The following ARHGAP26 variants were observed in gnomAD, a reference collection of about 807,000 sequenced individuals.
ARHGAP26 encodes Rho GTPase activating protein 26, also known as rho GTPase-activating protein 26.
A neutral mutation model predicts 104.8 loss-of-function variants in ARHGAP26; 38 were observed. The ratio of observed to expected loss-of-function variants is 0.36; its 90% CI spans 0.28 to 0.48. The LOEUF (loss-of-function observed/expected upper bound fraction) is 0.48. Among genes scored for constraint, ARHGAP26 ranks in the 20% least tolerant of loss-of-function variants. The pLI is 0.99. For synonymous variants in ARHGAP26, 341 were observed against 340.0 expected (o/e 1.00, Z -0.03); for missense variants, 704 against 947.9 (o/e 0.74, Z 3.38).
At chr5:142,829,553 A>G (rs980632109) in intron 1 of ARHGAP26, among the ~76,000 whole-genome samples, 3 of 152,194 alleles carry the variant, frequency 2.0e-5, no homozygotes, top group Non-Finnish European at 4.4e-5. Context: ...TCACATCACC[A>G]TTGTGGAGAG....
intron 11 of ARHGAP26, among the ~76,000 whole-genome samples, chr5:142,975,913 C>G (rs1773007410): frequency 6.6e-6 from 1 of 152,232 alleles, no homozygotes; most frequent in Admixed American, 6.5e-5. Context: ...AATGTGGCCT[C>G]TGAACACCAG....
intron 1 of ARHGAP26, among the ~76,000 whole-genome samples, chr5:142,793,707 C>G (rs1215283489): frequency 6.6e-6 from 1 of 152,140 alleles, no homozygotes; most frequent in Non-Finnish European, 1.5e-5. Context: ...TGTGCCTCAG[C>G]TTCTCGAGTA....
chr5:143,169,147 CAT>C (rs1299376777), intron 20 of ARHGAP26, among the ~76,000 whole-genome samples: 1 of 152,246 alleles, frequency 6.6e-6, no homozygotes, highest in East Asian at 1.9e-4. Context: ...GTCTTCCTCA[CAT>C]GTTTCTGAAA....
At chr5:143,052,746 C>A (rs62374604) in intron 14 of ARHGAP26, among the ~76,000 whole-genome samples, 5,076 of 152,290 alleles carry the variant, frequency 0.033, 117 homozygotes, top group South Asian at 0.12. Context: ...TATTTGGCCT[C>A]TTTCTATTTG....
At chr5:142,909,686 G>T (rs1289818864) in intron 9 of ARHGAP26, among the ~76,000 whole-genome samples, 1 of 152,150 alleles carries the variant, frequency 6.6e-6, no homozygotes, top group Non-Finnish European at 1.5e-5. Flanking sequence ...CATTTAGGAG[G>T]AATATTAAAA....
chr5:142,826,292 G>A (rs914966248), intron 1 of ARHGAP26, among the ~76,000 whole-genome samples: 1 of 152,156 alleles, frequency 6.6e-6, no homozygotes, highest in African/African-American at 2.4e-5. Context: ...ACTTGTCATG[G>A]TAGAGTAAGA....
intron 17 of ARHGAP26, among the ~76,000 whole-genome samples, chr5:143,077,489 G>T (rs566993568): frequency 6.6e-6 from 1 of 152,266 alleles, no homozygotes; most frequent in East Asian, 1.9e-4. Flanking sequence ...ATGATAAAAT[G>T]CAAAGGCTCT....
intron 6 of ARHGAP26, among the ~76,000 whole-genome samples, chr5:142,901,471 C>A (rs1444998850): frequency 6.6e-6 from 1 of 152,238 alleles, no homozygotes; most frequent in Non-Finnish European, 1.5e-5. Flanking sequence ...GGACACCCCA[C>A]TTCCTTTTCT....
In ARHGAP26 at chr5:143,167,022, T is replaced by A. The variant is rs139354316; in HGVS notation, c.1988+19641T>A. 3.6e-3 allele frequency among the ~76,000 whole-genome samples: 544 copies of A among 152,326 alleles called. 3 individuals carry two copies. Among genetic ancestry groups the A allele is most frequent in the African/African-American group, 0.013 (525 of 41,582 alleles). ...ACAAAGGTCTGGATAAAGAACTAGCTACCCTTCAAATCCAGCAGCAGCTTC... is the reference window on the plus strand; with the variant it reads ...ACAAAGGTCTGGATAAAGAACTAGCAACCCTTCAAATCCAGCAGCAGCTTC... On this transcript the variant is annotated intron_variant, in intron 20 of 22. Transcript: ENST00000645722.
intron 19 of ARHGAP26, among the ~76,000 whole-genome samples, chr5:143,146,683 A>T (rs1799196648): frequency 6.6e-6 from 1 of 152,248 alleles, no homozygotes; most frequent in Non-Finnish European, 1.5e-5. Context: ...ACACAGAAAG[A>T]TGTGTCTGAG....
intron 18 of ARHGAP26, among the ~76,000 whole-genome samples, chr5:143,126,893 C>CA (rs1182325487): frequency 6.6e-6 from 1 of 152,176 alleles, no homozygotes; most frequent in Admixed American, 6.5e-5. Flanking sequence ...TCTCCAAACT[C>CA]ACACCTTATC....
At chr5:143,141,354 T>G (rs1352562338) in intron 19 of ARHGAP26, among the ~76,000 whole-genome samples, 1 of 152,234 alleles carries the variant, frequency 6.6e-6, no homozygotes, top group Non-Finnish European at 1.5e-5. Context: ...GTTAAAAAAG[T>G]ACATGTCTGT....
intron 17 of ARHGAP26, among the ~76,000 whole-genome samples, chr5:143,107,383 A>G (rs1794171599): frequency 6.6e-6 from 1 of 152,140 alleles, no homozygotes; most frequent in Non-Finnish European, 1.5e-5. Context: ...TGGTCTGCTA[A>G]AGTCAGTTAC....
chr5:143,178,363 G>A (rs1043489305), intron 20 of ARHGAP26, among the ~76,000 whole-genome samples: 13 of 152,282 alleles, frequency 8.5e-5, no homozygotes, highest in Admixed American at 8.5e-4. Context: ...AAAGTTCAGT[G>A]CTCTTTCTGT....
chr5:142,852,003 G>C (rs543730830), intron 1 of ARHGAP26, among the ~76,000 whole-genome samples: 5 of 152,304 alleles, frequency 3.3e-5, no homozygotes, highest in South Asian at 2.1e-4. Context: ...CAGAAATTCA[G>C]CTGTCCTCTA....
intron 1 of ARHGAP26, among the ~76,000 whole-genome samples, chr5:142,817,575 G>A (rs1765382389): frequency 6.6e-6 from 1 of 152,126 alleles, no homozygotes. Context: ...GTCGGGCCTC[G>A]ATTTCAGCCT....
At chr5:142,789,784 A>C (rs1244619114) in intron 1 of ARHGAP26, among the ~76,000 whole-genome samples, 1 of 152,190 alleles carries the variant, frequency 6.6e-6, no homozygotes, top group Non-Finnish European at 1.5e-5. Flanking sequence ...ACAACAGCAC[A>C]AGACACTCCA....
chr5:142,846,933 C>T (rs148101173), intron 1 of ARHGAP26, among the ~76,000 whole-genome samples: 57 of 152,292 alleles, frequency 3.7e-4, no homozygotes, highest in African/African-American at 1.3e-3. Flanking sequence ...GGACTTTTCA[C>T]GTCTTATCTC....
chr5:143,080,467 G>T (rs1789642431), intron 17 of ARHGAP26, among the ~76,000 whole-genome samples: 1 of 152,326 alleles, frequency 6.6e-6, no homozygotes, highest in Admixed American at 6.5e-5. Flanking sequence ...GTCAGGGAAG[G>T]CTCTCTGAGG....
Sources: gnomAD v4.1 joint callset for allele counts (sites outside exome capture counted in the v4.1 genomes callset) on GRCh38, gnomAD v4.1.1 for gene constraint, MANE v1.5 for transcripts, NCBI Gene and HGNC (gene_info 2026-07-23, HGNC 2026-07-21) for gene names.